The following PCDH15 variants were observed in gnomAD, a reference collection of about 807,000 sequenced individuals.
PCDH15 encodes the protein protocadherin-15.
PCDH15 carries 129 observed loss-of-function variants against 178.5 expected under a neutral mutation model. The observed-to-expected ratio is 0.72, with a 90% CI of 0.63 to 0.84. PCDH15 has a LOEUF of 0.84. Among genes scored for constraint, PCDH15 ranks in the 40% least tolerant of loss-of-function variants. The probability of loss-of-function intolerance (pLI) is 0.00; values close to 1 mark genes in which losing one functional copy is unlikely to be tolerated. For missense variants in PCDH15, 2,230 were observed against 2,099.9 expected (o/e 1.06, Z -1.21); for synonymous variants, 800 against 732.0 (o/e 1.09, Z -1.50).
chr10:54,176,121 G>A (rs867985341), intron 13 of PCDH15, among the ~76,000 whole-genome samples: 8 of 152,090 alleles, frequency 5.3e-5, no homozygotes, highest in South Asian at 4.1e-4. Flanking sequence ...AAAATTAGGT[G>A]TTTTCTAAAC....
intron 2 of PCDH15, among the ~76,000 whole-genome samples, chr10:54,563,770 G>A (rs1185374550): frequency 6.6e-6 from 1 of 151,996 alleles, no homozygotes; most frequent in Non-Finnish European, 1.5e-5. Context: ...TTCTAGTTGT[G>A]TATATTGTGG....
chr10:54,406,474 T>C (rs1952683108), intron 3 of PCDH15, among the ~76,000 whole-genome samples: 2 of 152,116 alleles, frequency 1.3e-5, no homozygotes, highest in South Asian at 4.1e-4. Flanking sequence ...TCCTCCTCCT[T>C]TCTCCTCTTC....
At chr10:55,521,001 C>A (rs1841161975) in intron 2 of PCDH15, among the ~76,000 whole-genome samples, 1 of 151,894 alleles carries the variant, frequency 6.6e-6, no homozygotes, top group Admixed American at 6.6e-5. Flanking sequence ...GTATGCAATA[C>A]AATATTACTA....
chr10:54,035,612 A>G (rs1424512048), intron 18 of PCDH15, among the ~76,000 whole-genome samples: 1 of 151,848 alleles, frequency 6.6e-6, no homozygotes, highest in African/African-American at 2.4e-5. Context: ...CCATTCCCCC[A>G]TCTTTCTCAC....
intron 2 of PCDH15, among the ~76,000 whole-genome samples, chr10:55,443,651 T>G (rs555333748): frequency 1.3e-3 from 201 of 152,242 alleles, no homozygotes; most frequent in Middle Eastern, 6.8e-3. Context: ...CTGGAGAGAA[T>G]GTGGAGAAAT....
At chr10:55,001,239 G>T (rs1435691063) in intron 2 of PCDH15, among the ~76,000 whole-genome samples, 1 of 152,146 alleles carries the variant, frequency 6.6e-6, no homozygotes, top group African/African-American at 2.4e-5. Context: ...GCCCAGTAAG[G>T]CTCCTTTCTT....
intron 2 of PCDH15, among the ~76,000 whole-genome samples, chr10:55,581,805 T>C (rs971867139): frequency 6.6e-6 from 1 of 152,086 alleles, no homozygotes; most frequent in Non-Finnish European, 1.5e-5. Context: ...AACACACACA[T>C]ACATGCGTGC....
chr10:54,147,037 A>G (rs1408843559), intron 14 of PCDH15, among the ~76,000 whole-genome samples: 1 of 133,990 alleles, frequency 7.5e-6, no homozygotes, highest in Non-Finnish European at 1.6e-5. Context: ...ACAAATATAT[A>G]ATATATATAT....
Position 54,303,878 on chromosome 10 carries a change from T to C in PCDH15, c.876+13393A>G, listed in dbSNP as rs545378357. On this transcript the variant is annotated intron_variant, in intron 8 of 37. Coordinates refer to ENST00000644397, the MANE Select transcript of PCDH15 (RefSeq NM_001384140.1). The stretch of plus-strand genomic sequence containing the variant: ...TAATACTCAAATCATATTAAAGAGA[T>C]GCTTCTTGACAGAGATACACTTAAA... 6.6e-5 allele frequency among the ~76,000 whole-genome samples: 10 copies of C among 152,248 alleles called. No homozygotes were observed. In the South Asian group the frequency reaches 2.1e-3, roughly 32 times the overall value.
At chr10:54,479,278 G>T (rs1186462382) in intron 3 of PCDH15, among the ~76,000 whole-genome samples, 1 of 151,910 alleles carries the variant, frequency 6.6e-6, no homozygotes, top group African/African-American at 2.4e-5. Flanking sequence ...GCTATTTACA[G>T]AGGTACCTCC....
intron 3 of PCDH15, among the ~76,000 whole-genome samples, chr10:54,517,124 G>C (rs1040133238): frequency 3.3e-5 from 5 of 152,060 alleles, no homozygotes; most frequent in African/African-American, 1.2e-4. Context: ...TTGTAAAGAC[G>C]ATCAAGGCTA....
chr10:55,030,188 G>A (rs1280160965), intron 2 of PCDH15, among the ~76,000 whole-genome samples: 2 of 152,082 alleles, frequency 1.3e-5, no homozygotes, highest in Non-Finnish European at 2.9e-5. Flanking sequence ...ATTAGAAGTT[G>A]GGTGCCAACA....
At chr10:54,132,191 C>T (rs993992549) in intron 15 of PCDH15, among the ~76,000 whole-genome samples, 19 of 152,076 alleles carry the variant, frequency 1.2e-4, no homozygotes, top group South Asian at 4.1e-4. Flanking sequence ...ATATCAACAC[C>T]GTATTTAGCC....
chr10:54,244,691 T>A (rs2055746505), intron 8 of PCDH15, among the ~76,000 whole-genome samples: 1 of 152,206 alleles, frequency 6.6e-6, no homozygotes, highest in South Asian at 2.1e-4. Flanking sequence ...CTATAACAAC[T>A]ATTCTGGTTC....
chr10:54,676,921 C>T (rs568349444), intron 1 of PCDH15, among the ~76,000 whole-genome samples: 1 of 152,236 alleles, frequency 6.6e-6, no homozygotes, highest in African/African-American at 2.4e-5. Context: ...ACTAGAAACT[C>T]ACTAATGTGA....
chr10:54,725,308 AAATG>A lies in PCDH15; in HGVS notation c.-28-61022_-28-61019del, dbSNP rs147499749. On this transcript the variant is annotated intron_variant, in intron 1 of 37. Coordinates refer to ENST00000644397, the MANE Select transcript of PCDH15 (RefSeq NM_001384140.1). ...TGAAGAAAATGTCCATTTTCTTAGT[AAATG>A]AATGAATATTTAAATTATACAGTAA... Among the ~76,000 whole-genome samples the A allele has an allele frequency of 9.3e-3, 1,404 of 150,712 alleles. 20 individuals carry two copies. Among genetic ancestry groups the A allele is most frequent in the East Asian group, 0.057 (279 of 4,922 alleles).
chr10:53,850,962 T>C (rs548263382), intron 28 of PCDH15, among the ~76,000 whole-genome samples: 58 of 152,246 alleles, frequency 3.8e-4, no homozygotes, highest in Non-Finnish European at 6.8e-4. Flanking sequence ...AACTAAGGAC[T>C]TTCCATCTCA....
intron 1 of PCDH15, among the ~76,000 whole-genome samples, chr10:54,733,697 C>T (rs1197883092): frequency 6.6e-6 from 1 of 151,434 alleles, no homozygotes; most frequent in African/African-American, 2.4e-5. Context: ...GATATTCAAA[C>T]TTTTTTAAAG....
chr10:54,340,128 CTAAAT>C (rs1941959364), intron 6 of PCDH15, among the ~76,000 whole-genome samples: 1 of 152,054 alleles, frequency 6.6e-6, no homozygotes, highest in Non-Finnish European at 1.5e-5. Context: ...AAGATATTTA[CTAAAT>C]TATTTTTTTC....
Sources: allele counts gnomAD v4.1 joint callset (sites outside exome capture counted in the v4.1 genomes callset), GRCh38; gene constraint gnomAD v4.1.1; transcripts MANE v1.5; gene names NCBI Gene and HGNC (gene_info 2026-07-23, HGNC 2026-07-21).